PRUNE2: variants seen among roughly 807,000 people sequenced by gnomAD.
PRUNE2 encodes prune homolog 2 with BCH domain.
PRUNE2 carries 164 observed loss-of-function variants against 252.0 expected under a neutral mutation model. The observed-to-expected ratio is 0.65, with a 90% confidence interval of 0.57 to 0.74. The LOEUF is 0.74. Ranked by LOEUF, PRUNE2 falls within the 30% of genes least tolerant of loss-of-function variation. The probability of loss-of-function intolerance (pLI) is 0.00; values close to 1 mark genes in which losing one functional copy is unlikely to be tolerated. For synonymous variants in PRUNE2, 1,292 were observed against 1,350.2 expected (o/e 0.96, Z 0.94); for missense variants, 3,495 against 3,711.0 (o/e 0.94, Z 1.51).
intron 9 of PRUNE2, among the ~76,000 whole-genome samples, chr9:76,657,427 T>G (rs188090178): frequency 5.3e-5 from 8 of 152,362 alleles, no homozygotes; most frequent in African/African-American, 1.7e-4. Context: ...ATGATGGTTT[T>G]AAAATAGATA....
chr9:76,782,074 C>A (rs981236109), intron 6 of PRUNE2, among the ~76,000 whole-genome samples: 1 of 152,086 alleles, frequency 6.6e-6, no homozygotes, highest in Non-Finnish European at 1.5e-5. Context: ...ATTAGCCCAG[C>A]GTGGTGGTGG....
chr9:76,788,964 A>C (rs1178630256), intron 6 of PRUNE2, among the ~76,000 whole-genome samples: 1 of 152,182 alleles, frequency 6.6e-6, no homozygotes, highest in Non-Finnish European at 1.5e-5. Context: ...AGTATCATAC[A>C]AACTCTCAAG....
At chr9:76,851,017 T>C (rs2059927257) in intron 2 of PRUNE2, among the ~76,000 whole-genome samples, 1 of 152,106 alleles carries the variant, frequency 6.6e-6, no homozygotes, top group Non-Finnish European at 1.5e-5. Context: ...ATATATAAAT[T>C]GTGCAGGGGC....
At chr9:76,873,494 A>G (rs1177812576) in intron 1 of PRUNE2, among the ~76,000 whole-genome samples, 1 of 152,180 alleles carries the variant, frequency 6.6e-6, no homozygotes, top group Non-Finnish European at 1.5e-5. Context: ...CTAATTTCAC[A>G]TCTGTAATCC....
chr9:76,883,587 C>T (rs2061917411), intron 1 of PRUNE2, among the ~76,000 whole-genome samples: 1 of 152,194 alleles, frequency 6.6e-6, no homozygotes, highest in Non-Finnish European at 1.5e-5. Context: ...GTAGTTCAAA[C>T]AATGGTACCA....
chr9:76,782,470 T>C (rs542377882), intron 6 of PRUNE2, among the ~76,000 whole-genome samples: 1 of 152,230 alleles, frequency 6.6e-6, no homozygotes, highest in Non-Finnish European at 1.5e-5. Context: ...TGCCACACTT[T>C]GTTTATCTGA....
chr9:76,851,068 CTTCTT>C (rs1321950882), intron 2 of PRUNE2, among the ~76,000 whole-genome samples: 1 of 151,724 alleles, frequency 6.6e-6, no homozygotes, highest in Non-Finnish European at 1.5e-5. Context: ...TACACATTCT[CTTCTT>C]TAAGAGTAAC....
intron 9 of PRUNE2, among the ~76,000 whole-genome samples, chr9:76,680,243 G>A (rs547146540): frequency 2.0e-5 from 3 of 152,058 alleles, no homozygotes; most frequent in Non-Finnish European, 4.4e-5. Context: ...TGGCCAACGA[G>A]CATATGAAAA....
At chr9:76,712,146 C>T (rs1045116216) in intron 7 of PRUNE2, among the ~76,000 whole-genome samples, 1 of 152,200 alleles carries the variant, frequency 6.6e-6, no homozygotes, top group Non-Finnish European at 1.5e-5. Flanking sequence ...ACTACTACTA[C>T]TAATTAACAT....
intron 1 of PRUNE2, among the ~76,000 whole-genome samples, chr9:76,873,487 A>G (rs542212506): frequency 6.6e-6 from 1 of 152,146 alleles, no homozygotes; most frequent in Non-Finnish European, 1.5e-5. Context: ...TTTGTGTCTA[A>G]TTTCACATCT....
At chr9:76,742,845 G>C (rs2049765375) in intron 6 of PRUNE2, among the ~76,000 whole-genome samples, 1 of 152,166 alleles carries the variant, frequency 6.6e-6, no homozygotes, top group Non-Finnish European at 1.5e-5. Context: ...AAAAGGTCTA[G>C]AGCTGCTAAG....
chr9:76,755,035 T>C (rs1279146356), intron 6 of PRUNE2, among the ~76,000 whole-genome samples: 1 of 151,736 alleles, frequency 6.6e-6, no homozygotes, highest in Non-Finnish European at 1.5e-5. Flanking sequence ...TATGGTTCCT[T>C]ATCGCTCTTT....
intron 6 of PRUNE2, chr9:76,819,544 T>C (rs1395670924): frequency 1.3e-5 from 2 of 152,164 alleles, no homozygotes; most frequent in Admixed American, 6.5e-5. Flanking sequence ...TGTGAGACAA[T>C]AAATTTCTAT....
At chr9:76,867,423 T>C (rs975104989) in intron 1 of PRUNE2, among the ~76,000 whole-genome samples, 9 of 152,148 alleles carry the variant, frequency 5.9e-5, no homozygotes, top group African/African-American at 2.2e-4. Flanking sequence ...ACAAGGAAAT[T>C]GTTCTCAGTG....
intron 6 of PRUNE2, among the ~76,000 whole-genome samples, chr9:76,724,037 T>C (rs2047881208): frequency 6.6e-6 from 1 of 150,844 alleles, no homozygotes; most frequent in African/African-American, 2.4e-5. Flanking sequence ...CCTTGTGATC[T>C]GCCCGCCTCA....
At chr9:76,711,966 CG>C (rs2046768409) in intron 7 of PRUNE2, among the ~76,000 whole-genome samples, 1 of 152,132 alleles carries the variant, frequency 6.6e-6, no homozygotes, top group Non-Finnish European at 1.5e-5. Context: ...GGGACACTGA[CG>C]GATGGTCAGT....
intron 1 of PRUNE2, among the ~76,000 whole-genome samples, chr9:76,900,952 A>G (rs1484078004): frequency 6.6e-6 from 1 of 152,232 alleles, no homozygotes; most frequent in African/African-American, 2.4e-5. Flanking sequence ...CAAACTGGTT[A>G]TACCAAAGCC....
intron 6 of PRUNE2, among the ~76,000 whole-genome samples, chr9:76,743,824 C>T (rs912906856): frequency 1.3e-5 from 2 of 152,094 alleles, no homozygotes; most frequent in Non-Finnish European, 2.9e-5. Context: ...ACTTTAGTTA[C>T]CTTGGGGGAA....
chr9:76,746,769 C>T (rs778563480), intron 6 of PRUNE2, among the ~76,000 whole-genome samples: 24 of 147,240 alleles, frequency 1.6e-4, no homozygotes, highest in Admixed American at 6.7e-4. Flanking sequence ...TGGGGAGCTT[C>T]GGGATAGCCG....
Sources: allele counts gnomAD v4.1 joint callset (sites outside exome capture counted in the v4.1 genomes callset), GRCh38; gene constraint gnomAD v4.1.1; transcripts MANE v1.5; gene names NCBI Gene and HGNC (gene_info 2026-07-23, HGNC 2026-07-21).